The following PSMG4 variants were observed in gnomAD, a reference collection of about 807,000 sequenced individuals.
PSMG4 encodes proteasome assembly chaperone 4, also known as proteasome (prosome, macropain) assembly chaperone 4.
In PSMG4, 10 loss-of-function variants were observed where a neutral mutation model predicts 11.0. The ratio of observed to expected loss-of-function variants is 0.91; its 90% CI spans 0.56 to 1.54. The LOEUF (loss-of-function observed/expected upper bound fraction) is 1.54, where lower values mean the gene tolerates loss of function less well. Ranked by LOEUF, PSMG4 falls within the 40% of genes most tolerant of loss-of-function variation. The pLI is 0.00. For synonymous variants in PSMG4, 95 were observed against 71.3 expected (o/e 1.33, Z -1.68); for missense variants, 198 against 160.9 (o/e 1.23, Z -1.25).
At chr6:3,254,624 G>A (rs993988469), upstream of PSMG4, among the ~76,000 whole-genome samples, 11 of 152,170 alleles carry the variant, frequency 7.2e-5, no homozygotes, top group African/African-American at 2.4e-4. Context: ...GCTTTAAGAG[G>A]TGTAACACTG....
At chr6:3,254,527 C>T (rs555620740), upstream of PSMG4, among the ~76,000 whole-genome samples, 8 of 151,032 alleles carry the variant, frequency 5.3e-5, no homozygotes, top group East Asian at 1.9e-4. Flanking sequence ...TGAGCTGTAA[C>T]AATTATCTGG....
At chr6:3,265,171 C>T (rs1379895043) in intron 2 of PSMG4, 1 of 152,206 alleles carries the variant, frequency 6.6e-6, no homozygotes, top group African/African-American at 2.4e-5. Context: ...TGTGCCGTGG[C>T]TTCCGGCGTC....
chr6:3,255,574 T>C (rs1757734789), upstream of PSMG4, among the ~76,000 whole-genome samples: 1 of 152,182 alleles, frequency 6.6e-6, no homozygotes, highest in Non-Finnish European at 1.5e-5. Flanking sequence ...TTACATGAGA[T>C]GGTTACCCAG....
At chr6:3,254,821 GAC>G (rs576149624), upstream of PSMG4, among the ~76,000 whole-genome samples, 56 of 152,336 alleles carry the variant, frequency 3.7e-4, no homozygotes, top group African/African-American at 1.3e-3. Context: ...ACCAATTCTG[GAC>G]ACAGTGGGAC....
At chr6:3,256,252 A>G (rs796460314), upstream of PSMG4, among the ~76,000 whole-genome samples, 2 of 152,210 alleles carry the variant, frequency 1.3e-5, no homozygotes, top group Non-Finnish European at 2.9e-5. Context: ...CACAGATCCA[A>G]TGTGGGTGCT....
chr6:3,255,024 A>C, upstream of PSMG4: 1 of 1,548,838 alleles, frequency 6.5e-7, no homozygotes, highest in South Asian at 1.2e-5. Context: ...GCGCTGGGAT[A>C]ATGGCGCTTT....
chr6:3,264,952 G>C (rs920834991), intron 2 of PSMG4: 1 of 152,320 alleles, frequency 6.6e-6, no homozygotes, highest in Non-Finnish European at 1.5e-5. Context: ...GGCTCAGGAA[G>C]GTATTCATAT....
upstream of PSMG4, chr6:3,254,949 T>A: frequency 7.7e-7 from 1 of 1,299,126 alleles, no homozygotes; most frequent in Non-Finnish European, 1.0e-6. Flanking sequence ...GTGTCAGCTG[T>A]TGGGTGTTGC....
At position 3,263,719 on chromosome 6, in the gene PSMG4, C is replaced by G; in HGVS notation, c.210C>G (p.Asp70Glu). Residue 70 changes from aspartate (D) to glutamate (E), a missense_variant, in exon 2 of 3, where the codon GAC becomes GAG. Coordinates refer to ENST00000438998, the MANE Select transcript of PSMG4 (RefSeq NM_001128591.2). ...CCGTGTCTACCTCCCTCCTTGGAGACACTTCCGACACGACCTCTACTGGCC... is the reference window on the plus strand; with the variant it reads ...CCGTGTCTACCTCCCTCCTTGGAGAGACTTCCGACACGACCTCTACTGGCC... ...SIPVSTSLLG[D>E]TSDTTSTGLA... 1 of 1,551,098 alleles carries G rather than the reference C, an allele frequency of 6.4e-7. No homozygotes were observed. The highest frequency in any genetic ancestry group is 1.4e-5 in the African/African-American group (1 of 73,162).
chr6:3,254,541 G>C (rs1397011308), upstream of PSMG4, among the ~76,000 whole-genome samples: 2 of 152,120 alleles, frequency 1.3e-5, no homozygotes, highest in African/African-American at 2.4e-5. Flanking sequence ...TATCTGGAAG[G>C]TGTGCAGATT....
upstream of PSMG4, among the ~76,000 whole-genome samples, chr6:3,254,663 C>A (rs4997134): frequency 7.2e-5 from 11 of 151,838 alleles, no homozygotes; most frequent in Middle Eastern, 3.4e-3. Context: ...TTTGTTCCTT[C>A]AAGCTGCGAA....
intron 1 of PSMG4, among the ~76,000 whole-genome samples, chr6:3,262,411 G>A (rs545504480): frequency 6.6e-6 from 1 of 152,342 alleles, no homozygotes; most frequent in Non-Finnish European, 1.5e-5. Flanking sequence ...TGAACTTGAG[G>A]AATCTGTAAA....
intron 1 of PSMG4, among the ~76,000 whole-genome samples, chr6:3,259,735 G>C (rs11961780): frequency 0.12 from 18,603 of 152,120 alleles, 2,253 homozygotes; most frequent in African/African-American, 0.31. Flanking sequence ...CACGTGCTGA[G>C]TCCCTAGGCA....
intron 2 of PSMG4, chr6:3,264,096 G>C (rs1758094805): frequency 6.7e-7 from 1 of 1,496,892 alleles, no homozygotes; most frequent in Non-Finnish European, 8.9e-7. Flanking sequence ...CAGCCCCTGT[G>C]GGTGGTGGCT....
chr6:3,260,640 C>G lies in PSMG4; in HGVS notation c.174+1444C>G, dbSNP rs185733665. ...ATAGGCGTTAGCCGCCGCGCCTGGTCTAAATTACATCTTATTTACATCTGC... is the reference window on the plus strand; with the variant it reads ...ATAGGCGTTAGCCGCCGCGCCTGGTGTAAATTACATCTTATTTACATCTGC... On this transcript the variant is annotated intron_variant, in intron 1 of 2. Coordinates refer to ENST00000438998, the MANE Select transcript of PSMG4 (RefSeq NM_001128591.2). Among the ~76,000 whole-genome samples, 8 of 152,282 alleles carry G rather than the reference C, an allele frequency of 5.3e-5. No homozygotes were observed. In the East Asian group the frequency reaches 1.5e-3, roughly 29 times the overall value.
chr6:3,262,405 C>T (rs1252287488), intron 1 of PSMG4, among the ~76,000 whole-genome samples: 2 of 152,204 alleles, frequency 1.3e-5, no homozygotes, highest in Non-Finnish European at 2.9e-5. Context: ...AAATGTTGAA[C>T]TTGAGGAATC....
upstream of PSMG4, chr6:3,254,998 G>C (rs558291814): frequency 4.6e-6 from 7 of 1,532,722 alleles, no homozygotes; most frequent in Non-Finnish European, 6.2e-6. Context: ...TGGACCTAGC[G>C]CACTCCCATG....
At chr6:3,264,231 G>C in intron 2 of PSMG4, 1 of 1,551,490 alleles carries the variant, frequency 6.4e-7, no homozygotes. Context: ...AGACTGGCCT[G>C]GCCTGTGAGT....
At chr6:3,261,475 C>G (rs1039585836) in intron 1 of PSMG4, among the ~76,000 whole-genome samples, 9 of 152,162 alleles carry the variant, frequency 5.9e-5, no homozygotes, top group Non-Finnish European at 1.3e-4. Context: ...GAAGTAGGCT[C>G]CTCCTGTGGG....
Sources: allele counts gnomAD v4.1 joint callset (sites outside exome capture counted in the v4.1 genomes callset), GRCh38; gene constraint gnomAD v4.1.1; transcripts MANE v1.5; gene names NCBI Gene and HGNC (gene_info 2026-07-23, HGNC 2026-07-21).